The following MMP26 variants were observed in gnomAD, a reference collection of about 807,000 sequenced individuals.
MMP26 encodes matrix metalloproteinase-26.
In MMP26, 33 loss-of-function variants were observed where a neutral mutation model predicts 31.0. The ratio of observed to expected loss-of-function variants is 1.06; its 90% CI spans 0.81 to 1.42. MMP26 has a LOEUF of 1.42. MMP26 is among the 40% of genes most tolerant of loss of function. The pLI is 0.00. For synonymous variants in MMP26, 122 were observed against 114.9 expected (o/e 1.06, Z -0.40); for missense variants, 347 against 316.1 (o/e 1.10, Z -0.74).
At chr11:4,755,090 A>G (rs1356392522) in intron 1 of MMP26, among the ~76,000 whole-genome samples, 4 of 151,938 alleles carry the variant, frequency 2.6e-5, no homozygotes, top group Non-Finnish European at 4.4e-5. Flanking sequence ...TTCTGTTTTT[A>G]TTGGACTCTT....
At chr11:4,717,247 C>T (rs1847946659) in intron 1 of MMP26, among the ~76,000 whole-genome samples, 1 of 152,118 alleles carries the variant, frequency 6.6e-6, no homozygotes, top group African/African-American at 2.4e-5. Context: ...TCCTTATGAT[C>T]CTCAGGGCAG....
intron 2 of MMP26, among the ~76,000 whole-genome samples, chr11:4,960,540 A>G (rs1219032846): frequency 7.2e-6 from 1 of 138,182 alleles, no homozygotes; most frequent in Non-Finnish European, 1.5e-5. Context: ...TATCTGCTAA[A>G]CACATATACC....
rs752734603 is a variant in MMP26 at position 4,803,471 on chromosome 11, C to A, written c.-145+36130C>A. ...CCACAACATCCTTGGATAACCCTGT[C>A]CCCGATCTGTTTGGTTCTAACTCCA... On this transcript the variant is annotated intron_variant, in intron 2 of 7. Coordinates refer to ENST00000380390, the MANE Select transcript of MMP26 (RefSeq NM_021801.5). 1.1e-5 allele frequency: 18 copies of A among 1,613,112 alleles called. No homozygotes were observed. The East Asian group carries it at 4.0e-4, about 36-fold the overall frequency.
At chr11:4,821,969 A>G (rs1849511201) in intron 2 of MMP26, 2 of 1,613,972 alleles carry the variant, frequency 1.2e-6, no homozygotes, top group East Asian at 4.5e-5. Context: ...TACTGCTACC[A>G]TGTTGATCTC....
chr11:4,896,667 C>A (rs1386057034), intron 2 of MMP26, among the ~76,000 whole-genome samples: 1 of 152,150 alleles, frequency 6.6e-6, no homozygotes, highest in South Asian at 2.1e-4. Flanking sequence ...TTTTTTCTTA[C>A]AATCAACGAG....
chr11:4,737,680 A>C (rs1848259813), intron 1 of MMP26, among the ~76,000 whole-genome samples: 2 of 151,328 alleles, frequency 1.3e-5, no homozygotes, highest in Non-Finnish European at 2.9e-5. Context: ...AAAAACAAAA[A>C]AACCCAGGGG....
At chr11:4,980,587 C>A (rs755081549) in intron 2 of MMP26, among the ~76,000 whole-genome samples, 1 of 151,866 alleles carries the variant, frequency 6.6e-6, no homozygotes, top group Non-Finnish European at 1.5e-5. Context: ...AAAAACCCAA[C>A]GAAATAGTGA....
intron 1 of MMP26, chr11:4,724,004 AC>A: frequency 1.4e-6 from 1 of 699,816 alleles, no homozygotes. Context: ...ATGCCGCTGG[AC>A]CCACCATAAC....
intron 2 of MMP26, among the ~76,000 whole-genome samples, chr11:4,954,392 G>A (rs571657092): frequency 8.0e-6 from 1 of 125,490 alleles, no homozygotes; most frequent in African/African-American, 2.7e-5. Flanking sequence ...AATGGATAGA[G>A]AGACAGATAT....
intron 2 of MMP26, among the ~76,000 whole-genome samples, chr11:4,851,505 T>C (rs768771811): frequency 7.2e-5 from 11 of 152,128 alleles, no homozygotes; most frequent in Admixed American, 3.9e-4. Context: ...ACTCAATATA[T>C]GGGTAAATGT....
At chr11:4,980,543 G>A (rs2133640047) in intron 2 of MMP26, among the ~76,000 whole-genome samples, 1 of 151,998 alleles carries the variant, frequency 6.6e-6, no homozygotes, top group South Asian at 2.1e-4. Context: ...AGATTACTAA[G>A]ACAAGATAAT....
At chr11:4,882,610 A>G (rs1010853667) in intron 2 of MMP26, 2 of 1,613,956 alleles carry the variant, frequency 1.2e-6, no homozygotes, top group Non-Finnish European at 1.7e-6. Flanking sequence ...AGAAGCAACA[A>G]AAAGCTCTCA....
chr11:4,719,515 C>T (rs7104128), intron 1 of MMP26: 19,729 of 153,726 alleles, frequency 0.13, 1,434 homozygotes, highest in Middle Eastern at 0.21. Context: ...CAAACAGATA[C>T]GCTAGGCTGT....
chr11:4,815,606 A>G lies in MMP26; in HGVS notation c.-145+48265A>G, dbSNP rs992110227. Reference sequence around the variant, plus strand: ...AAGAAAGAAATTTTAGACAGGGAACACAGCAAATTTATCATTTATGTACTT... The same window carrying G: ...AAGAAAGAAATTTTAGACAGGGAACGCAGCAAATTTATCATTTATGTACTT... On this transcript the variant is annotated intron_variant, in intron 2 of 7. Transcript: ENST00000380390. Among the ~76,000 whole-genome samples the G allele has an allele frequency of 2.0e-5, 3 of 152,202 alleles. No homozygotes were observed. In the East Asian group the frequency reaches 5.8e-4, roughly 29 times the overall value.
At chr11:4,942,125 A>G (rs572256108) in intron 2 of MMP26, among the ~76,000 whole-genome samples, 36 of 150,616 alleles carry the variant, frequency 2.4e-4, no homozygotes, top group African/African-American at 8.5e-4. Flanking sequence ...GTAAAACCCT[A>G]CTCAGACTGC....
At chr11:4,959,259 AAAAAAT>A (rs1257923950) in intron 2 of MMP26, among the ~76,000 whole-genome samples, 4 of 151,076 alleles carry the variant, frequency 2.6e-5, no homozygotes, top group South Asian at 2.1e-4. Context: ...AAAAAAAAAA[AAAAAAT>A]CTTACAAGAT....
chr11:4,952,262 T>C (rs1389462079), intron 2 of MMP26, among the ~76,000 whole-genome samples: 1 of 124,824 alleles, frequency 8.0e-6, no homozygotes, highest in East Asian at 2.3e-4. Flanking sequence ...GAATGAGACA[T>C]CTATGTACAA....
In MMP26 at chr11:4,800,085, T is replaced by C. The variant is rs113787450; in HGVS notation, c.-145+32744T>C. On this transcript the variant is annotated intron_variant, in intron 2 of 7. Transcript: ENST00000380390. Reference sequence around the variant, plus strand: ...TACTATTCTGGGATCTGGAGGGCAGTGGCCCCCCTTCCACAGGTCCACTAG... The same window carrying C: ...TACTATTCTGGGATCTGGAGGGCAGCGGCCCCCCTTCCACAGGTCCACTAG... 4.5e-3 allele frequency among the ~76,000 whole-genome samples: 683 copies of C among 152,302 alleles called. 4 individuals are homozygous for C. Among genetic ancestry groups the C allele is most frequent in the African/African-American group, 0.015 (611 of 41,562 alleles).
intron 2 of MMP26, among the ~76,000 whole-genome samples, chr11:4,898,310 T>C (rs866343532): frequency 6.6e-6 from 1 of 152,102 alleles, no homozygotes; most frequent in South Asian, 2.1e-4. Context: ...TCTCTACTTG[T>C]ATATCTTTTT....
Sources: allele counts gnomAD v4.1 joint callset (sites outside exome capture counted in the v4.1 genomes callset), GRCh38; gene constraint gnomAD v4.1.1; transcripts MANE v1.5; gene names NCBI Gene and HGNC (gene_info 2026-07-23, HGNC 2026-07-21).